RPH3AL: variants seen among roughly 807,000 people sequenced by gnomAD.
RPH3AL encodes the protein rabphilin 3A like (without C2 domains).
Under a neutral mutation model 43.1 loss-of-function variants are expected in RPH3AL, and 38 were observed. That is an observed-to-expected ratio of 0.88 (90% CI 0.68 to 1.15). RPH3AL has a LOEUF of 1.15. Ranked by LOEUF, RPH3AL falls within the 50% of genes most tolerant of loss-of-function variation. RPH3AL has a pLI of 0.00. For missense variants in RPH3AL, 462 were observed against 423.2 expected (o/e 1.09, Z -0.81); for synonymous variants, 189 against 176.3 (o/e 1.07, Z -0.57).
chr17:219,526 C>CATTTTTTTT, intron 8 of RPH3AL, 97 bp downstream of exon 8: 1 of 143,872 alleles, frequency 7.0e-6, no homozygotes, highest in Non-Finnish European at 1.3e-5. Flanking sequence ...CTTTTTCTTC[C>CATTTTTTTT]TTTTTTTTTT....
At chr17:332,656 C>A in intron 2 of RPH3AL, 1 of 230,602 alleles carries the variant, frequency 4.3e-6, no homozygotes, top group Non-Finnish European at 8.9e-6. Context: ...TCTAACCAGG[C>A]TCTGCGACTT....
rs556777414 is a variant in RPH3AL at position 226,265 on chromosome 17, C to G, written c.614-6529G>C. 3.3e-5 allele frequency among the ~76,000 whole-genome samples: 5 copies of G among 152,300 alleles called. No individual in the cohort carries two copies. The South Asian group carries it at 8.3e-4, about 25-fold the overall frequency. On this transcript the variant is annotated intron_variant, in intron 7 of 9. Transcript: ENST00000331302. ...AAGAGCCTCAGATGCCAACTGAGCT[C>G]ACACAGGTGACACAGCAGGCGCCAG...
intron 1 of RPH3AL, among the ~76,000 whole-genome samples, chr17:346,400 G>A (rs1289662707): frequency 5.2e-5 from 7 of 135,458 alleles, no homozygotes; most frequent in Admixed American, 4.3e-4. Flanking sequence ...CGTGGCTGGG[G>A]AAGCCTCACA....
chr17:306,427 C>G (rs1747257966), intron 5 of RPH3AL: 1 of 152,258 alleles, frequency 6.6e-6, no homozygotes, highest in African/African-American at 2.4e-5. Context: ...TCCACCTCGC[C>G]TCCGTTTCTT....
At chr17:324,388 C>T (rs1436050015) in intron 3 of RPH3AL, among the ~76,000 whole-genome samples, 1 of 152,208 alleles carries the variant, frequency 6.6e-6, no homozygotes, top group African/African-American at 2.4e-5. Flanking sequence ...AGCATGCTGC[C>T]CACCCCCTTG....
chr17:263,911 G>A (rs547929321), intron 6 of RPH3AL, among the ~76,000 whole-genome samples: 26 of 152,312 alleles, frequency 1.7e-4, no homozygotes, highest in South Asian at 6.2e-4. Context: ...GCACCTCGAC[G>A]GGTTTTCAAG....
At chr17:305,733 C>T (rs1261941015) in intron 5 of RPH3AL, among the ~76,000 whole-genome samples, 1 of 152,152 alleles carries the variant, frequency 6.6e-6, no homozygotes. Context: ...CCTGGGCCCA[C>T]ATTCTCTCCC....
In RPH3AL at chr17:273,604, G is replaced by A. The variant is rs184371730; in HGVS notation, c.438+8164C>T. Among the ~76,000 whole-genome samples, 3 of 142,146 alleles carry A rather than the reference G, an allele frequency of 2.1e-5. 1 individual carries two copies. Among genetic ancestry groups the A allele is most frequent in the African/African-American group, 7.8e-5 (3 of 38,254 alleles). The allele number at this position is 142,146 out of a possible 152,430, so 93.3% of individuals were successfully genotyped here. On this transcript the variant is annotated intron_variant, in intron 6 of 9. Coordinates refer to ENST00000331302, the MANE Select transcript of RPH3AL (RefSeq NM_006987.4). ...AGGGTGAGACCCCGGCGAGGGCGAC[G>A]TCAGGAAGAGACCCCAGCGAGGGCG...
intron 5 of RPH3AL, among the ~76,000 whole-genome samples, chr17:316,189 C>A (rs1266514445): frequency 3.0e-4 from 41 of 136,052 alleles, no homozygotes; most frequent in African/African-American, 1.0e-3. Context: ...CCTCCACTGA[C>A]CTGTAGTTCC....
Position 276,546 on chromosome 17 carries a change from G to A in RPH3AL, c.438+5222C>T, listed in dbSNP as rs7216227. Among the ~76,000 whole-genome samples, 1,017 of 152,222 alleles carry A rather than the reference G, an allele frequency of 6.7e-3. 11 individuals are homozygous for A. Among genetic ancestry groups the A allele is most frequent in the African/African-American group, 0.022 (902 of 41,526 alleles). On this transcript the variant is annotated intron_variant, in intron 6 of 9. Transcript: ENST00000331302. The stretch of plus-strand genomic sequence containing the variant: ...AGCTGGGACTGCAGGCGCTCACCAC[G>A]ATGCCCAGCTAATTTTTGTATTTTT...
At chr17:341,679 A>G (rs1241130024) in intron 1 of RPH3AL, among the ~76,000 whole-genome samples, 2 of 152,232 alleles carry the variant, frequency 1.3e-5, no homozygotes, top group African/African-American at 4.8e-5. Flanking sequence ...AGATGACACC[A>G]TACACACCAA....
At chr17:270,915 C>T (rs2042447435) in intron 6 of RPH3AL, among the ~76,000 whole-genome samples, 2 of 152,144 alleles carry the variant, frequency 1.3e-5, no homozygotes, top group African/African-American at 4.8e-5. Flanking sequence ...TTAGGTCTAA[C>T]ATTTAAGTCT....
intron 7 of RPH3AL, among the ~76,000 whole-genome samples, chr17:233,722 A>T (rs1439272577): frequency 6.6e-6 from 1 of 152,218 alleles, no homozygotes; most frequent in Non-Finnish European, 1.5e-5. Flanking sequence ...TGAAACAAGA[A>T]CGGTTTCACT....
intron 5 of RPH3AL, among the ~76,000 whole-genome samples, chr17:311,729 C>T (rs1408291604): frequency 6.6e-6 from 1 of 152,212 alleles, no homozygotes; most frequent in African/African-American, 2.4e-5. Context: ...CCTGCCGGCT[C>T]AGGACATCCA....
In RPH3AL at chr17:246,621, A is replaced by T. The variant is rs1377252791; in HGVS notation, c.613+490T>A. Among the ~76,000 whole-genome samples the T allele has an allele frequency of 6.6e-6, 1 of 152,040 alleles. No homozygotes were observed. Among genetic ancestry groups the T allele is most frequent in the Non-Finnish European group, 1.5e-5 (1 of 68,010 alleles). ...TGGGGCGGCCACCTGAGACACACAC[A>T]CCTTACTGTAGCCACCAGAACGCCC... On this transcript the variant is annotated intron_variant, in intron 7 of 9. Coordinates refer to ENST00000331302, the MANE Select transcript of RPH3AL (RefSeq NM_006987.4). The surrounding 1 kb of genome is among the most constrained non-coding windows in gnomAD (Gnocchi z 4.8).
intron 6 of RPH3AL, among the ~76,000 whole-genome samples, chr17:278,305 GA>G (rs2042704067): frequency 6.6e-6 from 1 of 152,148 alleles, no homozygotes; most frequent in South Asian, 2.1e-4. Flanking sequence ...CCGTGATTGT[GA>G]GGCCTCCCCA....
chr17:278,781 GTGTCAGC>G (rs1309530847), intron 6 of RPH3AL, among the ~76,000 whole-genome samples: 2 of 152,144 alleles, frequency 1.3e-5, no homozygotes, highest in Non-Finnish European at 2.9e-5. Flanking sequence ...CTCAATAAAT[GTGTCAGC>G]TGCCTACATG....
At chr17:341,627 A>G (rs2045121823) in intron 1 of RPH3AL, among the ~76,000 whole-genome samples, 1 of 152,350 alleles carries the variant, frequency 6.6e-6, no homozygotes, top group Admixed American at 6.5e-5. Flanking sequence ...AATAGGTGTC[A>G]TCTACATTTT....
Position 305,997 on chromosome 17 carries a change from C to T in RPH3AL, c.351+13423G>A, listed in dbSNP as rs570803924. Reference sequence around the variant, plus strand: ...CCTCAGCCTCCCAAGTAGTTGGAAACGTAACTGGGCACCACCATGCCCAGC... The same window carrying T: ...CCTCAGCCTCCCAAGTAGTTGGAAATGTAACTGGGCACCACCATGCCCAGC... On this transcript the variant is annotated intron_variant, in intron 5 of 9. Coordinates refer to ENST00000331302, the MANE Select transcript of RPH3AL (RefSeq NM_006987.4). Among the ~76,000 whole-genome samples, 176 of 149,946 alleles carry T rather than the reference C, an allele frequency of 1.2e-3. 2 individuals are homozygous for T. Among genetic ancestry groups the T allele is most frequent in the African/African-American group, 4.0e-3 (164 of 40,814 alleles).
Sources: gnomAD v4.1 joint callset for allele counts (sites outside exome capture counted in the v4.1 genomes callset) on GRCh38, gnomAD v4.1.1 for gene constraint, Gnocchi (gnomAD v3.1) non-coding constraint, MANE v1.5 for transcripts, NCBI Gene and HGNC (gene_info 2026-07-23, HGNC 2026-07-21) for gene names.